ADAMTS20: variants seen among roughly 807,000 people sequenced by gnomAD.
The protein encoded by ADAMTS20 is A disintegrin and metalloproteinase with thrombospondin motifs 20.
Under a neutral mutation model 260.1 loss-of-function variants are expected in ADAMTS20, and 225 were observed. The ratio of observed to expected loss-of-function variants is 0.87; its 90% confidence interval spans 0.78 to 0.97. The LOEUF (loss-of-function observed/expected upper bound fraction) is 0.97, where lower values mean the gene tolerates loss of function less well. Ranked by LOEUF, ADAMTS20 falls within the 50% of genes least tolerant of loss-of-function variation. The pLI is 0.00. For synonymous variants in ADAMTS20, 802 were observed against 769.5 expected (o/e 1.04, Z -0.70); for missense variants, 2,400 against 2,337.7 (o/e 1.03, Z -0.55).
intron 3 of ADAMTS20, among the ~76,000 whole-genome samples, chr12:43,518,927 C>T (rs1258651248): frequency 6.6e-6 from 1 of 152,074 alleles, no homozygotes; most frequent in African/African-American, 2.4e-5. Flanking sequence ...CTGGACACCT[C>T]TCGCTTTCTT....
chr12:43,493,147 C>G (rs747542964), intron 5 of ADAMTS20, 23 bp downstream of exon 5: 1 of 1,485,138 alleles, frequency 6.7e-7, no homozygotes, highest in South Asian at 1.2e-5. Flanking sequence ...ACTAAGGTTA[C>G]TAATTTTAGA....
intron 3 of ADAMTS20, among the ~76,000 whole-genome samples, chr12:43,515,928 T>C (rs1942994194): frequency 6.6e-6 from 1 of 152,220 alleles, no homozygotes; most frequent in Non-Finnish European, 1.5e-5. Context: ...AATGAATGTT[T>C]AGTCGATCTT....
At position 43,376,643 on chromosome 12, in the gene ADAMTS20, G is replaced by T. The variant is rs562368811; in HGVS notation, c.5006C>A (p.Thr1669Asn). The T allele has an allele frequency of 6.2e-7, 1 of 1,610,648 alleles. No individual in the cohort carries two copies. The highest frequency in any genetic ancestry group is 1.3e-5 in the African/African-American group (1 of 74,818). ...TCTCTTCATTATCCCAATTCCACAA[G>T]TCACTGAGCACTGTGAAAAGAGTAA... ...KVGKWSKCSV[T>N]CGIGIMKRQV... is the part of the protein sequence containing the mutation. The change falls in exon 33 of 39, where the codon ACT (threonine) becomes AAT (asparagine). Residue 1669 changes from threonine to asparagine, a missense_variant. Transcript: ENST00000389420.
Position 43,383,602 on chromosome 12 carries a change from T to G in ADAMTS20, c.4753A>C (p.Asn1585His). The change falls in exon 31 of 39, where the codon AAC (asparagine) becomes CAC (histidine). Residue 1585 changes from asparagine (N) to histidine (H), a missense_variant. Physicochemically the swap from Asn to His is moderately conservative, Grantham distance 68. Coordinates refer to ENST00000389420, the MANE Select transcript of ADAMTS20 (RefSeq NM_025003.5). Reference sequence around the variant, plus strand: ...ACCACAATGTAATTGCAAGGAGGGTTCCTGCAATTCTTGGATGTAAGAGAT... The same window carrying G: ...ACCACAATGTAATTGCAAGGAGGGTGCCTGCAATTCTTGGATGTAAGAGAT... ...TISLTSKNCRNPPCNYIVVTA... is the reference protein window; with the variant it reads ...TISLTSKNCRHPPCNYIVVTA... 1.9e-6 allele frequency: 3 copies of G among 1,613,706 alleles called. No individual in the cohort carries two copies. In the South Asian group the frequency reaches 3.3e-5, roughly 18 times the overall value.
At chr12:43,518,615 A>C (rs1385946182) in intron 3 of ADAMTS20, among the ~76,000 whole-genome samples, 1 of 151,854 alleles carries the variant, frequency 6.6e-6, no homozygotes, top group Admixed American at 6.6e-5. Flanking sequence ...CTGATTCCTA[A>C]ATTCTTATCT....
intron 16 of ADAMTS20, among the ~76,000 whole-genome samples, chr12:43,440,536 T>C (rs911816063): frequency 8.5e-5 from 13 of 152,234 alleles, no homozygotes; most frequent in African/African-American, 3.1e-4. Context: ...TATTTTACTG[T>C]AATGTGGGAT....
chr12:43,460,637 A>ATGGCAGC (rs1378875573), intron 11 of ADAMTS20, among the ~76,000 whole-genome samples: 6 of 152,146 alleles, frequency 3.9e-5, no homozygotes, highest in Non-Finnish European at 7.3e-5. Flanking sequence ...AGGGATGTTC[A>ATGGCAGC]TGGCAGCTTT....
chr12:43,412,618 G>A (rs564277822), intron 28 of ADAMTS20, among the ~76,000 whole-genome samples: 13 of 152,100 alleles, frequency 8.5e-5, no homozygotes, highest in Non-Finnish European at 1.2e-4. Context: ...AAGGAGACAG[G>A]ATCCCATTTG....
intron 3 of ADAMTS20, among the ~76,000 whole-genome samples, chr12:43,522,710 G>C (rs1268853609): frequency 6.6e-6 from 1 of 152,140 alleles, no homozygotes; most frequent in Admixed American, 6.6e-5. Flanking sequence ...TTTGTTTGAT[G>C]GTGGTGTTTG....
In ADAMTS20 at chr12:43,479,103, T is replaced by C. The variant is rs11834341; in HGVS notation, c.1118-10398A>G. ...AAAGAACCCATACATTTATTATGAG[T>C]GACAACAGCTCAGACACACCAACTC... On this transcript the variant is annotated intron_variant, in intron 7 of 38. Coordinates refer to ENST00000389420, the MANE Select transcript of ADAMTS20 (RefSeq NM_025003.5). Among the ~76,000 whole-genome samples the C allele has an allele frequency of 7.3e-3, 1,118 of 152,270 alleles. 13 individuals carry two copies. Among genetic ancestry groups the C allele is most frequent in the African/African-American group, 0.026 (1,073 of 41,556 alleles).
At chr12:43,532,551 T>TTA (rs1437891727) in intron 2 of ADAMTS20, among the ~76,000 whole-genome samples, 1 of 87,788 alleles carries the variant, frequency 1.1e-5, no homozygotes, top group Non-Finnish European at 2.5e-5. Context: ...TTTTTTTTTT[T>TTA]AATGTTTTTT....
rs933964039 is a variant in ADAMTS20, at chr12:43,396,031, T to C, written c.4452+3035A>G. Among the ~76,000 whole-genome samples, 14 of 151,654 alleles carry C rather than the reference T, an allele frequency of 9.2e-5. 1 individual carries two copies. The East Asian group carries it at 2.7e-3, about 30-fold the overall frequency. ...AGATAAAATTAAACGAAAAAAAAAA[T>C]CCCCTCGCTTCCAGGAAGTGGGGGT... On this transcript the variant is annotated intron_variant, in intron 29 of 38. Transcript: ENST00000389420.
intron 3 of ADAMTS20, among the ~76,000 whole-genome samples, chr12:43,529,973 T>A (rs1319293820): frequency 6.6e-6 from 1 of 152,140 alleles, no homozygotes; most frequent in African/African-American, 2.4e-5. Flanking sequence ...TTGCCTTTAT[T>A]AGTGATTAAA....
chr12:43,389,882 G>A (rs1940562058), intron 29 of ADAMTS20, among the ~76,000 whole-genome samples: 2 of 152,064 alleles, frequency 1.3e-5, no homozygotes, highest in African/African-American at 4.8e-5. Context: ...GCCCAAGTCC[G>A]TAGGCAGCTC....
intron 7 of ADAMTS20, among the ~76,000 whole-genome samples, 164 bp from the exon 8 acceptor site, chr12:43,468,869 A>C (rs752481996): frequency 1.3e-5 from 2 of 152,154 alleles, no homozygotes; most frequent in African/African-American, 2.4e-5. Context: ...AAGAGAATGG[A>C]ATGATTTATT....
At chr12:43,378,255 G>A (rs1156880596) in intron 31 of ADAMTS20, among the ~76,000 whole-genome samples, 4 of 152,186 alleles carry the variant, frequency 2.6e-5, no homozygotes, top group Non-Finnish European at 4.4e-5. Context: ...CCAGCCTACT[G>A]CTTTGAAAAA....
At chr12:43,485,152 C>T (rs141219317) in intron 7 of ADAMTS20, among the ~76,000 whole-genome samples, 196 of 149,534 alleles carry the variant, frequency 1.3e-3, no homozygotes, top group African/African-American at 4.6e-3. Flanking sequence ...AACAATATCC[C>T]TGATGAATAT....
In ADAMTS20 at chr12:43,353,988, AT is replaced by A. The variant is rs1219377321; in HGVS notation, c.*220del. Reference sequence around the variant, plus strand: ...TATAAATTATTATGTTCTTTAAAAAATATCCTGATTAGATATAAAATAAATT... The same window carrying A: ...TATAAATTATTATGTTCTTTAAAAAAATCCTGATTAGATATAAAATAAATT... On this transcript the variant is annotated 3_prime_UTR_variant, in exon 39 of 39. Transcript: ENST00000389420. 8.5e-6 allele frequency: 3 copies of A among 352,820 alleles called. No individual in the cohort carries two copies. The highest frequency in any genetic ancestry group is 6.3e-5 in the African/African-American group (3 of 47,458). 21.9% of individuals were successfully genotyped at this position (352,820 alleles called of 1,614,324 possible). A position where few individuals can be genotyped will look rare whatever the true frequency, so the allele number is the denominator to read the frequency against.
At chr12:43,446,471 A>G (rs1430254475) in intron 15 of ADAMTS20, 124 bp downstream of exon 15, 1 of 646,042 alleles carries the variant, frequency 1.5e-6, no homozygotes, top group Non-Finnish European at 2.5e-6. Flanking sequence ...TTCCTTAACA[A>G]TCATTTTGGA....
Sources: gnomAD v4.1 joint callset for allele counts (sites outside exome capture counted in the v4.1 genomes callset) on GRCh38, gnomAD v4.1.1 for gene constraint, MANE v1.5 for transcripts, NCBI Gene and HGNC (gene_info 2026-07-23, HGNC 2026-07-21) for gene names.